The following HBP1 variants were observed in gnomAD, a reference collection of about 807,000 sequenced individuals.
HBP1 encodes the protein HMG box-containing protein 1.
HBP1 carries 20 observed loss-of-function variants against 62.6 expected under a neutral mutation model. The ratio of observed to expected loss-of-function variants is 0.32; its 90% confidence interval spans 0.22 to 0.46. The LOEUF is 0.46. Ranked by LOEUF, HBP1 falls within the 20% of genes least tolerant of loss-of-function variation. The pLI is 1.00. For missense variants in HBP1, 480 were observed against 611.8 expected, an observed-to-expected ratio of 0.78 and a Z score of 2.27; for synonymous variants, 232 against 206.2, an observed-to-expected ratio of 1.12 and a Z score of -1.07.
At chr7:107,175,553 T>C (rs1311003600) in intron 1 of HBP1, among the ~76,000 whole-genome samples, 2 of 150,950 alleles carry the variant, frequency 1.3e-5, no homozygotes, top group Admixed American at 6.6e-5. Flanking sequence ...TTCCATATAG[T>C]AGTAGTAGTA....
At chr7:107,179,251 T>A (rs1182818801) in intron 1 of HBP1, among the ~76,000 whole-genome samples, 2 of 152,144 alleles carry the variant, frequency 1.3e-5, no homozygotes, top group African/African-American at 4.8e-5. Flanking sequence ...GTCCTATTAG[T>A]CTCAGTTTTT....
At chr7:107,175,864 C>A (rs1449192511) in intron 1 of HBP1, among the ~76,000 whole-genome samples, 1 of 151,564 alleles carries the variant, frequency 6.6e-6, no homozygotes, top group Non-Finnish European at 1.5e-5. Flanking sequence ...CTACAGGCGC[C>A]CGCCACCATG....
chr7:107,201,261 A>C (rs1562904629), intron 10 of HBP1, 153 bp from the exon 11 acceptor site: 1 of 474,120 alleles, frequency 2.1e-6, no homozygotes, highest in Non-Finnish European at 3.8e-6. Flanking sequence ...TGCTTGAGCC[A>C]TCAGATATCA....
intron 1 of HBP1, chr7:107,169,659 G>C (rs1191990420): frequency 1.3e-6 from 1 of 792,352 alleles, no homozygotes; most frequent in Non-Finnish European, 1.5e-6. Context: ...TGGACTGAGG[G>C]GGATTCTGGC....
At chr7:107,198,075 GTATT>G (rs1242803071) in intron 9 of HBP1, among the ~76,000 whole-genome samples, 1 of 152,146 alleles carries the variant, frequency 6.6e-6, no homozygotes, top group Non-Finnish European at 1.5e-5. Flanking sequence ...GATGCATTCT[GTATT>G]TATTTCCAAT....
chr7:107,196,157 A>T lies in HBP1; in HGVS notation c.1385+6A>T. 6.8e-7 allele frequency: 1 copy of T among 1,467,340 alleles called. No homozygotes were observed. The highest frequency in any genetic ancestry group is 1.1e-5 in the South Asian group (1 of 87,830). 90.9% of individuals were successfully genotyped at this position (1,467,340 alleles called of 1,614,324 possible). A position where few individuals can be genotyped will look rare whatever the true frequency, so the allele number is the denominator to read the frequency against. On this transcript the variant is annotated splice_donor_region_variant and intron_variant, in intron 9 of 10. Transcript: ENST00000222574. ...TATCCAGGGAAAGATAACAGGTAAAAATAGTGATAATTCTGATTACAATAA... is the reference window on the plus strand; with the variant it reads ...TATCCAGGGAAAGATAACAGGTAAATATAGTGATAATTCTGATTACAATAA...
At chr7:107,176,418 AT>A (rs1796854704) in intron 1 of HBP1, among the ~76,000 whole-genome samples, 1 of 152,204 alleles carries the variant, frequency 6.6e-6, no homozygotes, top group African/African-American at 2.4e-5. Context: ...CTCATGATGA[AT>A]TGTTCATTAG....
chr7:107,182,750 T>G (rs1797170101), intron 3 of HBP1, 149 bp downstream of exon 3: 1 of 561,040 alleles, frequency 1.8e-6, no homozygotes, highest in Admixed American at 3.1e-5. Flanking sequence ...GATCAAAGAC[T>G]TATTTCACTC....
At chr7:107,184,959 C>T (rs533277739) in intron 3 of HBP1, among the ~76,000 whole-genome samples, 1 of 152,312 alleles carries the variant, frequency 6.6e-6, no homozygotes, top group Admixed American at 6.5e-5. Flanking sequence ...TGGCTGTCTT[C>T]CTCTCTGCTT....
chr7:107,169,595 A>C (rs1357198239), intron 1 of HBP1: 5 of 132,786 alleles, frequency 3.8e-5, no homozygotes, highest in African/African-American at 7.4e-5. Context: ...GAGCTTGGCC[A>C]GGGGTGGGGG....
chr7:107,201,509 C>A lies in HBP1; in HGVS notation c.*78C>A. On this transcript the variant is annotated 3_prime_UTR_variant, in exon 11 of 11. Coordinates refer to ENST00000222574, the MANE Select transcript of HBP1 (RefSeq NM_012257.4). ...TGGAAAGACTTAAGAAGATCAAGGTCTCACCATTTGTCCTCAATTCGTGTG... is the reference window on the plus strand; with the variant it reads ...TGGAAAGACTTAAGAAGATCAAGGTATCACCATTTGTCCTCAATTCGTGTG... 2.3e-6 allele frequency: 2 copies of A among 872,024 alleles called. No homozygotes were observed. The highest frequency in any genetic ancestry group is 3.8e-6 in the Non-Finnish European group (2 of 531,194). The allele number at this position is 872,024 out of a possible 1,614,324, so 54.0% of individuals were successfully genotyped here.
chr7:107,169,601 G>T (rs747378254), intron 1 of HBP1: 15 of 276,738 alleles, frequency 5.4e-5, no homozygotes, highest in African/African-American at 3.0e-4. Context: ...GGCCAGGGGT[G>T]GGGGGCTGGC....
intron 4 of HBP1, 152 bp downstream of exon 4, chr7:107,186,094 T>A: frequency 1.6e-6 from 1 of 620,642 alleles, no homozygotes; most frequent in South Asian, 2.4e-5. Flanking sequence ...AGCTTATTAT[T>A]AATGGGAATG....
chr7:107,182,770 A>G (rs890607650), intron 3 of HBP1, among the ~76,000 whole-genome samples, 169 bp downstream of exon 3: 3 of 152,322 alleles, frequency 2.0e-5, no homozygotes, highest in Admixed American at 2.0e-4. Context: ...CACTACCATG[A>G]TTTCATATTT....
intron 3 of HBP1, among the ~76,000 whole-genome samples, chr7:107,184,930 T>A (rs1235773547): frequency 6.6e-6 from 1 of 152,234 alleles, no homozygotes; most frequent in Non-Finnish European, 1.5e-5. Flanking sequence ...TACCTTCAGA[T>A]GGTTTTCCCT....
At chr7:107,179,236 AAAG>A in intron 1 of HBP1, among the ~76,000 whole-genome samples, 1 of 152,334 alleles carries the variant, frequency 6.6e-6, no homozygotes, top group Non-Finnish European at 1.5e-5. Context: ...CAAGTGAAAA[AAAG>A]AGTCCTATTA....
At chr7:107,187,659 A>T (rs948136621) in intron 6 of HBP1, among the ~76,000 whole-genome samples, 3 of 152,176 alleles carry the variant, frequency 2.0e-5, no homozygotes, top group African/African-American at 7.2e-5. Flanking sequence ...TGAAGTTCAC[A>T]ATAGTCTAAC....
chr7:107,201,339 C>T (rs2116043244), intron 10 of HBP1, 75 bp from the exon 11 acceptor site: 1 of 844,544 alleles, frequency 1.2e-6, no homozygotes, highest in Non-Finnish European at 1.9e-6. Context: ...ACATCTTATA[C>T]ATCTTAGCTT....
chr7:107,170,303 C>G (rs549400125), intron 1 of HBP1, among the ~76,000 whole-genome samples: 1 of 152,296 alleles, frequency 6.6e-6, no homozygotes. Flanking sequence ...GCCGTAAGCA[C>G]TCCTAATAGT....
Sources: allele counts gnomAD v4.1 joint callset (sites outside exome capture counted in the v4.1 genomes callset), GRCh38; gene constraint gnomAD v4.1.1; transcripts MANE v1.5; gene names NCBI Gene and HGNC (gene_info 2026-07-23, HGNC 2026-07-21).